The following RPSA2 variants were observed in gnomAD, a reference collection of about 807,000 sequenced individuals.
RPSA2 encodes the protein small ribosomal subunit protein uS2B.
the RPSA2 span, among the ~76,000 whole-genome samples, chr19:23,852,621 C>G: frequency 3.2e-4 from 2 of 6,212 alleles, no homozygotes; most frequent in African/African-American, 3.4e-4. Flanking sequence ...GAGCGATTTT[C>G]CGCCTGGGTG....
chr19:23,806,051 T>TTTC, the RPSA2 span, among the ~76,000 whole-genome samples: 3 of 136,314 alleles, frequency 2.2e-5, no homozygotes, highest in Admixed American at 8.1e-5. Context: ...TTCTTTCTTT[T>TTTC]TTTTTTTTTT....
chr19:23,833,696 A>G, the RPSA2 span, among the ~76,000 whole-genome samples: 1 of 152,272 alleles, frequency 6.6e-6, no homozygotes, highest in African/African-American at 2.4e-5. Context: ...ACTCAAAATC[A>G]GATAGTTCAT....
the RPSA2 span, among the ~76,000 whole-genome samples, chr19:23,825,001 A>T: frequency 6.6e-6 from 1 of 151,036 alleles, no homozygotes; most frequent in African/African-American, 2.4e-5. Flanking sequence ...TTTTTTTGAG[A>T]TGGAGTCTCG....
the RPSA2 span, among the ~76,000 whole-genome samples, chr19:23,833,562 A>G: frequency 1.3e-5 from 2 of 152,262 alleles, no homozygotes. Context: ...AGTGTGTACA[A>G]TGTGGCCAAG....
At chr19:23,784,885 C>T in the RPSA2 span, among the ~76,000 whole-genome samples, 1 of 152,296 alleles carries the variant, frequency 6.6e-6, no homozygotes, top group Middle Eastern at 3.4e-3. Flanking sequence ...AATTTTGGCT[C>T]TCTTGCAAAA....
the RPSA2 span, among the ~76,000 whole-genome samples, chr19:23,863,813 C>G: frequency 3.9e-5 from 6 of 152,116 alleles, no homozygotes; most frequent in African/African-American, 1.4e-4. Flanking sequence ...GTTAACCACT[C>G]CACTTCCCCA....
At chr19:23,781,485 C>T in the RPSA2 span, among the ~76,000 whole-genome samples, 3 of 151,862 alleles carry the variant, frequency 2.0e-5, no homozygotes, top group African/African-American at 7.3e-5. Context: ...ATTACAGATG[C>T]CCACCACCAC....
chr19:23,780,436 G>A, the RPSA2 span, among the ~76,000 whole-genome samples: 3 of 152,134 alleles, frequency 2.0e-5, no homozygotes, highest in African/African-American at 7.2e-5. Flanking sequence ...AAGGTCAGGA[G>A]ATCGAGACCA....
At chr19:23,798,354 C>T in the RPSA2 span, among the ~76,000 whole-genome samples, 1 of 152,242 alleles carries the variant, frequency 6.6e-6, no homozygotes, top group African/African-American at 2.4e-5. Context: ...AAAAATAGTA[C>T]AGTTTATAAA....
the RPSA2 span, among the ~76,000 whole-genome samples, chr19:23,766,731 G>A: frequency 2.0e-5 from 3 of 149,796 alleles, no homozygotes; most frequent in Non-Finnish European, 2.9e-5. Flanking sequence ...TGGGATTACA[G>A]GCCTGAGCCA....
At chr19:23,824,792 G>A in the RPSA2 span, among the ~76,000 whole-genome samples, 4 of 147,390 alleles carry the variant, frequency 2.7e-5, no homozygotes, top group East Asian at 8.1e-4. Context: ...CTTTTTAAAG[G>A]GAAGTAAATT....
At chr19:23,788,461 C>T in the RPSA2 span, among the ~76,000 whole-genome samples, 148,886 of 152,206 alleles carry the variant, frequency 0.98, 72,910 homozygotes, top group Middle Eastern at 1. Flanking sequence ...TGGCCCAGCA[C>T]CTATGTGATG....
chr19:23,813,411 A>G, the RPSA2 span, among the ~76,000 whole-genome samples: 1 of 152,036 alleles, frequency 6.6e-6, no homozygotes, highest in Admixed American at 6.6e-5. Context: ...TTCTGTTTTT[A>G]TGAGTGTGAC....
chr19:23,762,798 T>G, the RPSA2 span: 3 of 152,202 alleles, frequency 2.0e-5, no homozygotes, highest in Non-Finnish European at 4.4e-5. Flanking sequence ...ACTTCTTAAT[T>G]AGCTGTAATT....
At chr19:23,833,896 A>G in the RPSA2 span, among the ~76,000 whole-genome samples, 40 of 152,136 alleles carry the variant, frequency 2.6e-4, no homozygotes, top group African/African-American at 9.4e-4. Context: ...AGTTGTTAAA[A>G]TTTTGTCCAA....
At chr19:23,758,787 A>G in the RPSA2 span, 1 of 1,614,140 alleles carries the variant, frequency 6.2e-7, no homozygotes, top group Non-Finnish European at 8.5e-7. Flanking sequence ...TTAGCTATGG[A>G]TCGCCAATAC....
At chr19:23,849,979 T>C in the RPSA2 span, among the ~76,000 whole-genome samples, 1 of 152,140 alleles carries the variant, frequency 6.6e-6, no homozygotes, top group Admixed American at 6.5e-5. Flanking sequence ...GGTTCTCTTG[T>C]AGTTAATCTC....
At chr19:23,811,435 G>C in the RPSA2 span, among the ~76,000 whole-genome samples, 1 of 152,080 alleles carries the variant, frequency 6.6e-6, no homozygotes, top group African/African-American at 2.4e-5. Context: ...AAACCATGAT[G>C]CGTGATTCTC....
the RPSA2 span, chr19:23,799,152 A>G: frequency 1.3e-5 from 2 of 152,198 alleles, no homozygotes; most frequent in Non-Finnish European, 2.9e-5. Context: ...GACTTGATCA[A>G]TCTTATATCT....
Sources: allele counts gnomAD v4.1 joint callset (sites outside exome capture counted in the v4.1 genomes callset), GRCh38; gene constraint gnomAD v4.1.1; transcripts MANE v1.5; gene names NCBI Gene and HGNC (gene_info 2026-07-23, HGNC 2026-07-21).